Variants in PVT1 observed in about 807,000 individuals in gnomAD.
The protein encoded by PVT1 is Pvt1 oncogene, also known as CXCR4/PVT1 fusion.
chr8:127,837,395 G>GTTT (rs368894030), intron 2 of PVT1, among the ~76,000 whole-genome samples: 12 of 140,866 alleles, frequency 8.5e-5, no homozygotes, highest in Admixed American at 1.5e-4. Flanking sequence ...TTTTGTTGTT[G>GTTT]TTTTTTTTTT....
chr8:127,948,733 G>A (rs746998188), intron 3 of PVT1: 2 of 152,254 alleles, frequency 1.3e-5, no homozygotes, highest in Admixed American at 1.3e-4. Context: ...TACAAGCCCA[G>A]GAGAGAGGCC....
Position 128,013,005 on chromosome 8 carries a change from A to C in PVT1, n.912+23714A>C, listed in dbSNP as rs753825750. Reference sequence around the variant, plus strand: ...GGAATGAGGCATGAAGGGGCCTGCTATGTTCCCAGGGCCTGCTAGCTCTGT... The same window carrying C: ...GGAATGAGGCATGAAGGGGCCTGCTCTGTTCCCAGGGCCTGCTAGCTCTGT... On this transcript the variant is annotated intron_variant and non_coding_transcript_variant, in intron 4 of 10. Transcript: ENST00000651587. Among the ~76,000 whole-genome samples, 5 of 152,264 alleles carry C rather than the reference A, an allele frequency of 3.3e-5. 1 individual carries two copies. In the East Asian group the frequency reaches 7.7e-4, roughly 24 times the overall value.
At chr8:128,000,394 G>A (rs1282342925) in intron 4 of PVT1, among the ~76,000 whole-genome samples, 5 of 152,208 alleles carry the variant, frequency 3.3e-5, no homozygotes, top group Non-Finnish European at 7.3e-5. Context: ...AAGCACCAGA[G>A]GTAGCAAGGA....
intron 4 of PVT1, among the ~76,000 whole-genome samples, chr8:128,034,537 C>T (rs1813439220): frequency 6.6e-6 from 1 of 152,230 alleles, no homozygotes; most frequent in South Asian, 2.1e-4. Flanking sequence ...ATGACTGTGG[C>T]TCCTTTACTT....
rs559784176 is a variant in PVT1, at chr8:128,047,372, G to T, written n.913-22788G>T. On this transcript the variant is annotated intron_variant and non_coding_transcript_variant, in intron 4 of 10. Transcript: ENST00000651587. The stretch of plus-strand genomic sequence containing the variant: ...AGAGGAGGCAGGGATAAGAGGAGTG[G>T]TTTCTTGGCCACCAGAATGGAAACG... Among the ~76,000 whole-genome samples, 271 of 152,316 alleles carry T rather than the reference G, an allele frequency of 1.8e-3. 1 individual carries two copies. In the Middle Eastern group the frequency reaches 0.02, roughly 11 times the overall value.
intron 2 of PVT1, among the ~76,000 whole-genome samples, chr8:127,849,713 G>C (rs1815083263): frequency 7.4e-6 from 1 of 134,798 alleles, no homozygotes; most frequent in Non-Finnish European, 1.6e-5. Flanking sequence ...GTGCCCCTGC[G>C]TGCACGTGCG....
intron 4 of PVT1, among the ~76,000 whole-genome samples, chr8:128,056,457 A>G (rs1813763678): frequency 6.6e-6 from 1 of 152,204 alleles, no homozygotes; most frequent in Admixed American, 6.5e-5. Flanking sequence ...ATAAAATTGC[A>G]TGCATAGCTC....
intron 3 of PVT1, among the ~76,000 whole-genome samples, chr8:127,979,934 T>C (rs1004621984): frequency 6.6e-6 from 1 of 152,166 alleles, no homozygotes; most frequent in African/African-American, 2.4e-5. Flanking sequence ...GGTTGGAGTG[T>C]ATTGGCATGA....
intron 3 of PVT1, among the ~76,000 whole-genome samples, chr8:127,984,400 G>A (rs1052964790): frequency 2.6e-5 from 4 of 152,196 alleles, no homozygotes; most frequent in Non-Finnish European, 1.5e-5. Flanking sequence ...TTCCCAGCAA[G>A]TGGCAGAGCT....
At chr8:128,053,535 G>C (rs911053257) in intron 4 of PVT1, among the ~76,000 whole-genome samples, 2 of 151,902 alleles carry the variant, frequency 1.3e-5, no homozygotes, top group African/African-American at 2.4e-5. Flanking sequence ...ATTTGATGTA[G>C]TCCTGCCTGA....
intron 3 of PVT1, among the ~76,000 whole-genome samples, chr8:127,961,656 T>C (rs144929991): frequency 3.3e-4 from 50 of 152,374 alleles, no homozygotes; most frequent in African/African-American, 1.2e-3. Context: ...TCCGTACCAC[T>C]GAGCACCTGT....
intron 3 of PVT1, among the ~76,000 whole-genome samples, chr8:127,894,950 A>G (rs1586425600): frequency 6.6e-6 from 1 of 152,366 alleles, no homozygotes; most frequent in Non-Finnish European, 1.5e-5. Context: ...ATTGAAAACA[A>G]TAAGGATCCC....
chr8:127,830,094 C>G (rs1814833562), intron 2 of PVT1, among the ~76,000 whole-genome samples: 1 of 152,196 alleles, frequency 6.6e-6, no homozygotes, highest in African/African-American at 2.4e-5. Flanking sequence ...AACTAATTAC[C>G]TGCAAAGACC....
chr8:127,994,427 G>T (rs1817080497), intron 4 of PVT1, among the ~76,000 whole-genome samples: 1 of 152,142 alleles, frequency 6.6e-6, no homozygotes, highest in Admixed American at 6.5e-5. Context: ...CCTGTTATGA[G>T]TCAGTTGCTG....
intron 5 of PVT1, among the ~76,000 whole-genome samples, chr8:128,072,358 G>C (rs1295344937): frequency 6.6e-6 from 1 of 152,200 alleles, no homozygotes; most frequent in Non-Finnish European, 1.5e-5. Context: ...AAAAGACACA[G>C]CGCTCAATTC....
At chr8:128,040,972 T>C (rs1813524815) in intron 4 of PVT1, among the ~76,000 whole-genome samples, 1 of 151,602 alleles carries the variant, frequency 6.6e-6, no homozygotes, top group Non-Finnish European at 1.5e-5. Context: ...TGTGTGCATA[T>C]GTTTGTGTGT....
intron 4 of PVT1, among the ~76,000 whole-genome samples, chr8:128,058,114 C>T (rs936510707): frequency 6.6e-6 from 1 of 152,186 alleles, no homozygotes; most frequent in Non-Finnish European, 1.5e-5. Flanking sequence ...CTTTCCTACT[C>T]AACATGGAGC....
chr8:127,819,884 C>T (rs1455379515), intron 2 of PVT1, among the ~76,000 whole-genome samples: 1 of 152,178 alleles, frequency 6.6e-6, no homozygotes, highest in Non-Finnish European at 1.5e-5. Context: ...TTAGAAGGTG[C>T]GTGTCTCTTT....
intron 2 of PVT1, among the ~76,000 whole-genome samples, chr8:127,836,823 C>T (rs1231294814): frequency 6.6e-6 from 1 of 152,148 alleles, no homozygotes; most frequent in Non-Finnish European, 1.5e-5. Flanking sequence ...GGGCATATGG[C>T]TTCAGAGTCC....
Sources: gnomAD v4.1 joint callset for allele counts (sites outside exome capture counted in the v4.1 genomes callset) on GRCh38, gnomAD v4.1.1 for gene constraint, MANE v1.5 for transcripts, NCBI Gene and HGNC (gene_info 2026-07-23, HGNC 2026-07-21) for gene names.